WNT4: variants seen among roughly 807,000 people sequenced by gnomAD.
WNT4 encodes the protein protein Wnt-4.
In WNT4, 16 loss-of-function variants were observed where a neutral mutation model predicts 34.5. The observed-to-expected ratio is 0.46, with a 90% CI of 0.31 to 0.70. The LOEUF is 0.70. WNT4 is among the 30% of genes least tolerant of loss of function. WNT4 has a pLI of 0.04. For synonymous variants in WNT4, 200 were observed against 211.9 expected, an observed-to-expected ratio of 0.94 and a Z score of 0.49; for missense variants, 379 against 495.9, an observed-to-expected ratio of 0.76 and a Z score of 2.24.
In WNT4 at chr1:22,142,694, C is replaced by T; in HGVS notation, c.77+152G>A. The T allele has an allele frequency of 2.3e-6, 1 of 439,032 alleles. No individual in the cohort carries two copies. The highest frequency in any genetic ancestry group is 3.0e-6 in the Non-Finnish European group (1 of 330,870). 27.2% of individuals were successfully genotyped at this position (439,032 alleles called of 1,614,324 possible). On this transcript the variant is annotated intron_variant, in intron 1 of 4. Transcript: ENST00000290167. This position sits in a 1 kb window ranked among gnomAD's most constrained non-coding sequence, Gnocchi z 6.0. ...GTGCAGAGGGACGTTCGGGCCGTGGCGGCGGCAGCGGAGCGAGCGAGCCTC... is the reference window on the plus strand; with the variant it reads ...GTGCAGAGGGACGTTCGGGCCGTGGTGGCGGCAGCGGAGCGAGCGAGCCTC...
chr1:22,127,837 G>A (rs184584473), intron 2 of WNT4, among the ~76,000 whole-genome samples: 3 of 152,358 alleles, frequency 2.0e-5, no homozygotes, highest in Admixed American at 2.0e-4. Flanking sequence ...GTGTCGTGGA[G>A]GAGGGAACTG....
chr1:22,129,495 T>G (rs1249146510), intron 2 of WNT4, 121 bp downstream of exon 2: 2 of 1,215,814 alleles, frequency 1.6e-6, no homozygotes, highest in Non-Finnish European at 2.3e-6. Context: ...TTGGGTCCTG[T>G]GCTGGTTTTG....
intron 2 of WNT4, chr1:22,127,587 A>G (rs1645950818): frequency 2.4e-6 from 1 of 422,436 alleles, no homozygotes; most frequent in Non-Finnish European, 4.9e-6. Flanking sequence ...TCAATCTAAA[A>G]GGTGTGCTAG....
At position 22,139,074 on chromosome 1, in the gene WNT4, G is replaced by A. The variant is rs1484156994; in HGVS notation, c.77+3772C>T. Among the ~76,000 whole-genome samples, 1 of 152,194 alleles carries A rather than the reference G, an allele frequency of 6.6e-6. No homozygotes were observed. Among genetic ancestry groups the A allele is most frequent in the Non-Finnish European group, 1.5e-5 (1 of 68,004 alleles). ...CTGACTCTGGGAGGCTCCTGCGGGG[G>A]CCCTTGTTGAGCAAGGGGGTTGCAG... is the stretch of plus-strand genomic sequence containing the variant. On this transcript the variant is annotated intron_variant, in intron 1 of 4. Transcript: ENST00000290167. This position sits in a 1 kb window ranked among gnomAD's most constrained non-coding sequence, Gnocchi z 4.6.
intron 2 of WNT4, among the ~76,000 whole-genome samples, chr1:22,128,332 C>A (rs1279698806): frequency 1.3e-5 from 2 of 152,204 alleles, no homozygotes; most frequent in Non-Finnish European, 2.9e-5. Context: ...AGTCAAAGGG[C>A]CTTGTCGATG....
intron 1 of WNT4, among the ~76,000 whole-genome samples, chr1:22,131,209 G>A (rs1322383508): frequency 6.6e-6 from 1 of 152,252 alleles, no homozygotes; most frequent in Non-Finnish European, 1.5e-5. Flanking sequence ...GCTAGCCAGG[G>A]TGCAGCTGGG....
chr1:22,142,995 G>T lies in WNT4; in HGVS notation c.-73C>A. 2 of 833,278 alleles carry T rather than the reference G, an allele frequency of 2.4e-6. No individual in the cohort carries two copies. The highest frequency in any genetic ancestry group is 1.1e-4 in the South Asian group (2 of 18,716). The allele number at this position is 833,278 out of a possible 1,614,324, so 51.6% of individuals were successfully genotyped here. On this transcript the variant is annotated 5_prime_UTR_variant, in exon 1 of 5. Transcript: ENST00000290167. The surrounding 1 kb of genome is among the most constrained non-coding windows in gnomAD (Gnocchi z 6.0). ...GGGCCTCCCGTCGGGGCTGCAGGTG[G>T]GCGCCCGCGGGCGGGCCGGGGCGCG...
chr1:22,119,981 G>A lies in WNT4; in HGVS notation c.*69C>T, dbSNP rs1645879983. On this transcript the variant is annotated 3_prime_UTR_variant, in exon 5 of 5. Transcript: ENST00000290167. ...CCAGTATCTCTTGGGGTAGGTGGTG[G>A]GAGACTGTTTAAATTATCGGCCTTC... 6.4e-7 allele frequency: 1 copy of A among 1,554,734 alleles called. No homozygotes were observed. The highest frequency in any genetic ancestry group is 8.7e-7 in the Non-Finnish European group (1 of 1,145,246).
Position 22,135,398 on chromosome 1 carries a change from G to A in WNT4, c.78-5547C>T, listed in dbSNP as rs114366578. On this transcript the variant is annotated intron_variant, in intron 1 of 4. Coordinates refer to ENST00000290167, the MANE Select transcript of WNT4 (RefSeq NM_030761.5). ...CAGTGGAAGGTCAGGATTTGAAAACGGGTCACTCTGGCTCCTAAGCCAAAG... is the reference window on the plus strand; with the variant it reads ...CAGTGGAAGGTCAGGATTTGAAAACAGGTCACTCTGGCTCCTAAGCCAAAG... Among the ~76,000 whole-genome samples the A allele has an allele frequency of 4.6e-3, 700 of 152,334 alleles. 11 individuals are homozygous for A. The highest frequency in any genetic ancestry group is 0.016 in the African/African-American group (657 of 41,562).
intron 1 of WNT4, among the ~76,000 whole-genome samples, chr1:22,141,844 C>A (rs1646070358): frequency 6.6e-6 from 1 of 152,244 alleles, no homozygotes. Context: ...GAAACCCCAG[C>A]TACACTGTTG....
At chr1:22,122,501 T>G (rs1197068908) in intron 2 of WNT4, among the ~76,000 whole-genome samples, 1 of 152,066 alleles carries the variant, frequency 6.6e-6, no homozygotes, top group Non-Finnish European at 1.5e-5. Flanking sequence ...GTGTAGCTGT[T>G]GTGGACTCTC....
intron 2 of WNT4, among the ~76,000 whole-genome samples, chr1:22,122,121 A>G (rs1472144418): frequency 1.3e-5 from 2 of 152,134 alleles, no homozygotes; most frequent in Admixed American, 1.3e-4. Context: ...TTCCTTATGT[A>G]TGATCTTGCC....
At position 22,139,390 on chromosome 1, in the gene WNT4, C is replaced by G. The variant is rs769638162; in HGVS notation, c.77+3456G>C. On this transcript the variant is annotated intron_variant, in intron 1 of 4. Transcript: ENST00000290167. This position sits in a 1 kb window ranked among gnomAD's most constrained non-coding sequence, Gnocchi z 4.6. ...GGGCTCCATTTTACAGATGAGAAAC[C>G]CGAGGCTCGGAGAGGTTAATAACCT... is the stretch of plus-strand genomic sequence containing the variant. 5.5e-4 allele frequency among the ~76,000 whole-genome samples: 83 copies of G among 152,192 alleles called. 2 individuals are homozygous for G. The highest frequency in any genetic ancestry group is 1.2e-4 in the Non-Finnish European group (8 of 68,036).
intron 2 of WNT4, among the ~76,000 whole-genome samples, chr1:22,121,985 G>T (rs1645903284): frequency 6.6e-6 from 1 of 152,174 alleles, no homozygotes; most frequent in Non-Finnish European, 1.5e-5. Flanking sequence ...AAGGTTTATG[G>T]AAGACCAGAC....
intron 2 of WNT4, among the ~76,000 whole-genome samples, chr1:22,128,353 C>T (rs1324675816): frequency 1.3e-5 from 2 of 152,186 alleles, no homozygotes; most frequent in Admixed American, 6.5e-5. Flanking sequence ...GATAGTGGCT[C>T]GGAAGTGCCA....
intron 2 of WNT4, among the ~76,000 whole-genome samples, chr1:22,122,542 G>A (rs1645908606): frequency 6.6e-6 from 1 of 152,184 alleles, no homozygotes; most frequent in African/African-American, 2.4e-5. Flanking sequence ...TGTGTGAGCT[G>A]GAGTATGCAT....
chr1:22,122,564 T>G (rs1329042596), intron 2 of WNT4, among the ~76,000 whole-genome samples: 1 of 151,888 alleles, frequency 6.6e-6, no homozygotes, highest in East Asian at 1.9e-4. Context: ...GCCGGCTGGG[T>G]GTGTGACCAG....
chr1:22,124,249 C>T (rs1373288666), intron 2 of WNT4, among the ~76,000 whole-genome samples: 1 of 152,232 alleles, frequency 6.6e-6, no homozygotes, highest in African/African-American at 2.4e-5. Flanking sequence ...GAAGGCAATC[C>T]TCGCCTTGTC....
intron 1 of WNT4, among the ~76,000 whole-genome samples, chr1:22,133,406 C>T (rs1156974287): frequency 6.6e-6 from 1 of 152,152 alleles, no homozygotes; most frequent in Non-Finnish European, 1.5e-5. Context: ...TACTGGACAC[C>T]TCAGGATTCC....
Sources: allele counts gnomAD v4.1 joint callset (sites outside exome capture counted in the v4.1 genomes callset), GRCh38; gene constraint gnomAD v4.1.1; non-coding constraint Gnocchi (gnomAD v3.1); transcripts MANE v1.5; gene names NCBI Gene and HGNC (gene_info 2026-07-23, HGNC 2026-07-21).